CREB5: variants seen among roughly 807,000 people sequenced by gnomAD.
CREB5 encodes cyclic AMP-responsive element-binding protein 5.
In CREB5, 19 loss-of-function variants were observed where a neutral mutation model predicts 57.1. The observed-to-expected ratio is 0.33, with a 90% CI of 0.23 to 0.49. CREB5 has a LOEUF of 0.49. Ranked by LOEUF, CREB5 falls within the 20% of genes least tolerant of loss-of-function variation. The pLI is 0.99. For missense variants in CREB5, 579 were observed against 671.6 expected (o/e 0.86, Z 1.52); for synonymous variants, 238 against 238.3 (o/e 1.00, Z 0.01).
At chr7:28,613,260 C>T (rs969830884) in intron 5 of CREB5, among the ~76,000 whole-genome samples, 3 of 152,084 alleles carry the variant, frequency 2.0e-5, no homozygotes, top group East Asian at 1.9e-4. Context: ...AATGTGTGAC[C>T]GTCTAAGAAT....
intron 5 of CREB5, among the ~76,000 whole-genome samples, chr7:28,572,080 C>T (rs895710761): frequency 6.6e-6 from 1 of 152,196 alleles, no homozygotes; most frequent in Admixed American, 6.5e-5. Flanking sequence ...GGAACACTGG[C>T]TTATTCCTCC....
At chr7:28,526,563 G>A (rs538417664) in intron 4 of CREB5, among the ~76,000 whole-genome samples, 1 of 152,290 alleles carries the variant, frequency 6.6e-6, no homozygotes, top group South Asian at 2.1e-4. Context: ...GCTGTTTAGG[G>A]TTACCAGAGT....
chr7:28,732,580 T>G (rs1010012796), intron 7 of CREB5, among the ~76,000 whole-genome samples: 2 of 152,192 alleles, frequency 1.3e-5, no homozygotes, highest in African/African-American at 4.8e-5. Flanking sequence ...TTAACAATCT[T>G]GTTACAGGGA....
intron 4 of CREB5, among the ~76,000 whole-genome samples, chr7:28,555,983 C>T (rs1456899875): frequency 6.6e-6 from 1 of 152,162 alleles, no homozygotes; most frequent in Non-Finnish European, 1.5e-5. Flanking sequence ...GACCAGGGAC[C>T]TGCAGACTTA....
intron 5 of CREB5, among the ~76,000 whole-genome samples, chr7:28,595,229 T>G (rs1443536501): frequency 3.9e-5 from 6 of 152,208 alleles, no homozygotes; most frequent in African/African-American, 1.4e-4. Flanking sequence ...TACTAGATAG[T>G]CTCATAGCAG....
chr7:28,608,136 C>T (rs1797232251), intron 5 of CREB5, among the ~76,000 whole-genome samples: 1 of 151,536 alleles, frequency 6.6e-6, no homozygotes, highest in African/African-American at 2.4e-5. Context: ...CACACACACA[C>T]ACACACACAC....
At chr7:28,397,561 C>A (rs1787364722) in intron 1 of CREB5, among the ~76,000 whole-genome samples, 1 of 152,162 alleles carries the variant, frequency 6.6e-6, no homozygotes, top group African/African-American at 2.4e-5. Context: ...GAATCATTGG[C>A]ATCTTTTAAG....
upstream of CREB5, chr7:28,409,235 A>T (rs1706856868): frequency 6.6e-6 from 1 of 150,752 alleles, no homozygotes; most frequent in Admixed American, 6.6e-5. The surrounding 1 kb of genome is among the most constrained non-coding windows in gnomAD (Gnocchi z 4.4). Context: ...TGCCCCCTCG[A>T]CGCGCCGGCC....
In CREB5 at chr7:28,388,169, G is replaced by A. The variant is rs1202027180; in HGVS notation, c.-25+88728G>A. 4.6e-5 allele frequency among the ~76,000 whole-genome samples: 7 copies of A among 152,244 alleles called. No homozygotes were observed. The East Asian group carries it at 1.4e-3, about 29-fold the overall frequency. On this transcript the variant is annotated intron_variant, in intron 1 of 9. Coordinates refer to the CREB5 transcript ENST00000396299. ...TCACTACCCATCTGAGTCCACATTA[G>A]ATTAATTTGTTGGCCTAAGGTTTTC...
At chr7:28,337,250 G>A (rs1785841409) in intron 1 of CREB5, among the ~76,000 whole-genome samples, 1 of 151,904 alleles carries the variant, frequency 6.6e-6, no homozygotes, top group Non-Finnish European at 1.5e-5. Flanking sequence ...TTTCTTTGTT[G>A]ATTTTCTATC....
At chr7:28,371,532 G>T (rs1314263042) in intron 1 of CREB5, among the ~76,000 whole-genome samples, 1 of 151,768 alleles carries the variant, frequency 6.6e-6, no homozygotes, top group Non-Finnish European at 1.5e-5. Flanking sequence ...AAAATTGGGA[G>T]GTGGGGAGGC....
intron 4 of CREB5, among the ~76,000 whole-genome samples, chr7:28,560,919 T>TGTGTGCGCGC (rs1554344482): frequency 2.3e-5 from 1 of 42,990 alleles, no homozygotes; most frequent in Non-Finnish European, 4.5e-5. Context: ...CGTGTGCGTG[T>TGTGTGCGCGC]GTGCGCGTGC....
At chr7:28,402,522 C>T (rs1175567391) in intron 1 of CREB5, among the ~76,000 whole-genome samples, 2 of 152,136 alleles carry the variant, frequency 1.3e-5, no homozygotes, top group Non-Finnish European at 2.9e-5. Flanking sequence ...TAATACCACA[C>T]ATCTACAACC....
In CREB5 at chr7:28,351,522, C is replaced by T. The variant is rs59233121; in HGVS notation, c.-25+52081C>T. Among the ~76,000 whole-genome samples the T allele has an allele frequency of 6.3e-3, 963 of 152,248 alleles. 73 individuals carry two copies. The East Asian group carries it at 0.16, about 25-fold the overall frequency. On this transcript the variant is annotated intron_variant, in intron 1 of 9. Coordinates refer to the CREB5 transcript ENST00000396299. Reference sequence around the variant, plus strand: ...TTTTCCTTTCCTATTCCTTTCTTCCCATCTATTAATGAGCATGAACTACAT... The same window carrying T: ...TTTTCCTTTCCTATTCCTTTCTTCCTATCTATTAATGAGCATGAACTACAT...
intron 1 of CREB5, among the ~76,000 whole-genome samples, chr7:28,454,032 T>C (rs910530025): frequency 1.3e-5 from 2 of 148,822 alleles, no homozygotes; most frequent in African/African-American, 4.9e-5. Flanking sequence ...CGGCTCACTG[T>C]AAGCTCCGCC....
At chr7:28,446,113 A>T (rs1789453109) in intron 1 of CREB5, among the ~76,000 whole-genome samples, 3 of 152,206 alleles carry the variant, frequency 2.0e-5, no homozygotes, top group African/African-American at 7.2e-5. Context: ...ATCTTCAGGC[A>T]GACCATCGTC....
chr7:28,783,865 C>G (rs1807142605), intron 7 of CREB5, among the ~76,000 whole-genome samples: 1 of 152,216 alleles, frequency 6.6e-6, no homozygotes, highest in Non-Finnish European at 1.5e-5. Flanking sequence ...TTTTCTTAAA[C>G]AAGCCACTTA....
intron 4 of CREB5, among the ~76,000 whole-genome samples, chr7:28,553,383 G>A (rs1794746090): frequency 6.6e-6 from 1 of 152,184 alleles, no homozygotes; most frequent in Non-Finnish European, 1.5e-5. Flanking sequence ...AGCCTGGCAT[G>A]TAATCTTTCA....
rs933599321 is a variant in CREB5, at chr7:28,823,804, C to T, written c.*4525C>T. The T allele has an allele frequency of 6.6e-6, 1 of 152,506 alleles. No individual in the cohort carries two copies. Among genetic ancestry groups the T allele is most frequent in the African/African-American group, 2.4e-5 (1 of 41,392 alleles). The allele number at this position is 152,506 out of a possible 1,614,324, so 9.4% of individuals were successfully genotyped here. On this transcript the variant is annotated 3_prime_UTR_variant, in exon 11 of 11. Coordinates refer to ENST00000357727, the MANE Select transcript of CREB5 (RefSeq NM_182898.4). ...TTTTTGTCCCTTCCCGAACAATATG[C>T]AGTAGCTTTAAGCCATTCAAGCTCC... is the stretch of plus-strand genomic sequence containing the variant.
Sources: allele counts gnomAD v4.1 joint callset (sites outside exome capture counted in the v4.1 genomes callset), GRCh38; gene constraint gnomAD v4.1.1; non-coding constraint Gnocchi (gnomAD v3.1); transcripts MANE v1.5; gene names NCBI Gene and HGNC (gene_info 2026-07-23, HGNC 2026-07-21).